ITGA6: variants seen among roughly 807,000 people sequenced by gnomAD.
The protein encoded by ITGA6 is integrin alpha-6.
In ITGA6, 63 loss-of-function variants were observed where a neutral mutation model predicts 133.6. The ratio of observed to expected loss-of-function variants is 0.47; its 90% CI spans 0.38 to 0.58. The LOEUF (loss-of-function observed/expected upper bound fraction) is 0.58, where lower values mean the gene tolerates loss of function less well. Among genes scored for constraint, ITGA6 ranks in the 20% least tolerant of loss-of-function variants. The pLI is 0.00. For synonymous variants in ITGA6, 434 were observed against 482.0 expected (o/e 0.90, Z 1.30); for missense variants, 1,068 against 1,309.4 (o/e 0.82, Z 2.85).
chr2:172,487,288 T>G lies in ITGA6; in HGVS notation c.1995T>G (p.Val665=). 1 of 1,613,942 alleles carries G rather than the reference T, an allele frequency of 6.2e-7. No individual in the cohort carries two copies. The highest frequency in any genetic ancestry group is 8.5e-7 in the Non-Finnish European group (1 of 1,179,794). ...LPIQKGVPEL[V]LKDQKDIALE... is the part of the protein sequence containing the mutation. ...GTCAAAAAGGTGTACCAGAACTAGT[T>G]CTAAAAGATCAGAAGGATATTGCTT... The change falls in exon 15 of 26, where the codon GTT becomes GTG. Residue 665 remains valine (V), a synonymous_variant. Coordinates refer to ENST00000684293, the MANE Select transcript of ITGA6 (RefSeq NM_000210.4).
intron 1 of ITGA6, among the ~76,000 whole-genome samples, chr2:172,436,448 T>C (rs897561555): frequency 1.3e-5 from 2 of 152,130 alleles, no homozygotes; most frequent in African/African-American, 4.8e-5. Context: ...TGGAGAGGCG[T>C]TGTGAGGATC....
rs191464521 is a variant in ITGA6, at chr2:172,469,487, A to G, written c.643+107A>G. 2.6e-3 allele frequency: 2,595 copies of G among 1,000,090 alleles called. 2 individuals carry two copies. Among genetic ancestry groups the G allele is most frequent in the Non-Finnish European group, 3.6e-3 (2,364 of 661,222 alleles). 62.0% of individuals were successfully genotyped at this position (1,000,090 alleles called of 1,614,324 possible). A position where few individuals can be genotyped will look rare whatever the true frequency, so the allele number is the denominator to read the frequency against. ...TGTTAGAAGACATTCGTATATTATA[A>G]AAGTTGGGTAGGATATTAAAAATCT... On this transcript the variant is annotated intron_variant, in intron 4 of 25. Coordinates refer to ENST00000684293, the MANE Select transcript of ITGA6 (RefSeq NM_000210.4).
intron 1 of ITGA6, among the ~76,000 whole-genome samples, chr2:172,432,799 G>T (rs1272370114): frequency 2.6e-5 from 4 of 152,200 alleles, no homozygotes; most frequent in Non-Finnish European, 5.9e-5. Flanking sequence ...TGCTGAGGTG[G>T]TTGGTTGTTA....
intron 1 of ITGA6, among the ~76,000 whole-genome samples, chr2:172,452,472 T>G (rs1040355885): frequency 1.3e-5 from 2 of 152,146 alleles, no homozygotes; most frequent in Non-Finnish European, 2.9e-5. Context: ...GCTGGGCACG[T>G]GCTTTTTGGA....
At chr2:172,458,226 A>G (rs1685292250) in intron 1 of ITGA6, among the ~76,000 whole-genome samples, 1 of 151,022 alleles carries the variant, frequency 6.6e-6, no homozygotes, top group Non-Finnish European at 1.5e-5. Flanking sequence ...ATTGATTACA[A>G]TGCACAAAAA....
chr2:172,451,420 G>A (rs1453492734), intron 1 of ITGA6, among the ~76,000 whole-genome samples: 14 of 149,758 alleles, frequency 9.3e-5, no homozygotes, highest in East Asian at 5.9e-4. Context: ...AGCCAAGATC[G>A]CACCACTGCA....
At chr2:172,442,261 G>T (rs1559117083) in intron 1 of ITGA6, among the ~76,000 whole-genome samples, 1 of 152,206 alleles carries the variant, frequency 6.6e-6, no homozygotes, top group Non-Finnish European at 1.5e-5. Flanking sequence ...GGTGAACCCA[G>T]CTCCTCCCGG....
chr2:172,464,183 C>T (rs541880882), intron 1 of ITGA6: 1 of 152,476 alleles, frequency 6.6e-6, no homozygotes, highest in East Asian at 1.9e-4. Flanking sequence ...CATCTGGCCC[C>T]CCTCCCTGCT....
At chr2:172,428,078 G>A (rs1209832860) in intron 1 of ITGA6, 108 bp downstream of exon 1, 4 of 1,176,570 alleles carry the variant, frequency 3.4e-6, no homozygotes, top group Non-Finnish European at 4.4e-6. Flanking sequence ...TGGCCCGTGG[G>A]TCGCGCCCGG....
At chr2:172,450,836 T>A (rs761796621) in intron 1 of ITGA6, among the ~76,000 whole-genome samples, 9 of 143,020 alleles carry the variant, frequency 6.3e-5, no homozygotes, top group Non-Finnish European at 9.0e-5. Context: ...ATATATAAAA[T>A]ATATATATAA....
At chr2:172,469,956 A>T (rs1306512290) in intron 4 of ITGA6, among the ~76,000 whole-genome samples, 1 of 152,148 alleles carries the variant, frequency 6.6e-6, no homozygotes, top group African/African-American at 2.4e-5. Context: ...GTAAATGGAG[A>T]TGTAGAGAGG....
intron 3 of ITGA6, among the ~76,000 whole-genome samples, 197 bp downstream of exon 3, chr2:172,467,757 C>T (rs796312537): frequency 9.2e-5 from 14 of 152,224 alleles, no homozygotes; most frequent in African/African-American, 2.6e-4. Flanking sequence ...GAGGCCAAGG[C>T]GGGCGGATCA....
intron 19 of ITGA6, 135 bp from the exon 20 acceptor site, chr2:172,489,350 T>G: frequency 1.4e-6 from 1 of 713,454 alleles, no homozygotes; most frequent in Non-Finnish European, 2.4e-6. Context: ...CTATCTATAG[T>G]CCATTTTTGG....
Position 172,485,209 on chromosome 2 carries a change from T to G in ITGA6, c.1799T>G (p.Leu600Arg), listed in dbSNP as rs373305190. Residue 600 changes from leucine to arginine, a missense_variant, in exon 13 of 26, where the codon CTT becomes CGT. Leu to Arg is a moderately radical substitution (Grantham distance 102, BLOSUM62 -2). Coordinates refer to ENST00000684293, the MANE Select transcript of ITGA6 (RefSeq NM_000210.4). ...AGCTCTCGTAGGCGAGTGAATTCAC[T>G]TCCAGAAGTTCTTCCAATTCTGAAT... is the stretch of plus-strand genomic sequence containing the variant. ...EPSSRRRVNS[L>R]PEVLPILNSD... is the part of the protein sequence containing the mutation. The G allele has an allele frequency of 8.1e-6, 13 of 1,613,960 alleles. No individual in the cohort carries two copies. The African/African-American group carries it at 1.7e-4, about 22-fold the overall frequency.
chr2:172,489,177 A>G (rs1263224524), intron 19 of ITGA6, among the ~76,000 whole-genome samples: 1 of 152,182 alleles, frequency 6.6e-6, no homozygotes, highest in African/African-American at 2.4e-5. Flanking sequence ...ACAAATTCAC[A>G]CATGATTTTC....
intron 19 of ITGA6, among the ~76,000 whole-genome samples, chr2:172,489,149 G>A (rs1686814816): frequency 6.6e-6 from 1 of 152,210 alleles, no homozygotes; most frequent in African/African-American, 2.4e-5. Context: ...GCCAAGCAGG[G>A]TGGTTACAGG....
At chr2:172,480,423 CTGGTGGT>C (rs1187709947) in intron 11 of ITGA6, among the ~76,000 whole-genome samples, 17 of 152,176 alleles carry the variant, frequency 1.1e-4, no homozygotes, top group Middle Eastern at 6.8e-3. Context: ...TGGGTGGTGG[CTGGTGGT>C]TGTGAAAGGG....
chr2:172,474,122 C>A lies in ITGA6; in HGVS notation c.843C>A (p.Pro281=). 2 of 1,613,946 alleles carry A rather than the reference C, an allele frequency of 1.2e-6. No individual in the cohort carries two copies. Among genetic ancestry groups the A allele is most frequent in the Non-Finnish European group, 1.7e-6 (2 of 1,179,946 alleles). The change falls in exon 6 of 26, where the codon CCC becomes CCA. Residue 281 remains proline (P), a synonymous_variant. Coordinates refer to ENST00000684293, the MANE Select transcript of ITGA6 (RefSeq NM_000210.4). The part of the protein sequence containing the change: ...KDEITFVSGA[P]RANHSGAVVL... ...AGATCACTTTTGTATCTGGTGCTCC[C>A]AGAGCCAATCACAGTGGAGCCGTGG...
chr2:172,465,254 T>C, intron 1 of ITGA6: 1 of 495,266 alleles, frequency 2.0e-6, no homozygotes, highest in Non-Finnish European at 3.7e-6. Flanking sequence ...GGGTGTCTTT[T>C]AAACACCAGA....
Sources: allele counts gnomAD v4.1 joint callset (sites outside exome capture counted in the v4.1 genomes callset), GRCh38; gene constraint gnomAD v4.1.1; transcripts MANE v1.5; gene names NCBI Gene and HGNC (gene_info 2026-07-23, HGNC 2026-07-21).